C10orf143: variants seen among roughly 807,000 people sequenced by gnomAD.
C10orf143 encodes chromosome 10 open reading frame 143, also known as uncharacterized protein C10orf143.
intron 3 of C10orf143, among the ~76,000 whole-genome samples, chr10:130,037,948 G>T (rs1038477143): frequency 6.6e-6 from 1 of 152,192 alleles, no homozygotes; most frequent in Non-Finnish European, 1.5e-5. Flanking sequence ...ATTCCGGCAG[G>T]CGTCTCCCTC....
At chr10:130,088,051 G>A (rs1443377331) in intron 1 of C10orf143, among the ~76,000 whole-genome samples, 7 of 152,214 alleles carry the variant, frequency 4.6e-5, no homozygotes, top group Non-Finnish European at 1.0e-4. Context: ...ACACGTGAGC[G>A]AGCATATGAG....
At chr10:130,101,469 G>C (rs745766408) in intron 1 of C10orf143, among the ~76,000 whole-genome samples, 81 of 152,170 alleles carry the variant, frequency 5.3e-4, no homozygotes, top group Admixed American at 7.8e-4. Context: ...GGAAGCAACT[G>C]TGTCAAGACA....
intron 3 of C10orf143, among the ~76,000 whole-genome samples, chr10:130,076,433 C>T (rs1004406906): frequency 1.3e-5 from 2 of 152,062 alleles, no homozygotes; most frequent in Non-Finnish European, 2.9e-5. Context: ...CAAAGGAGGT[C>T]GGAGCTGAGA....
downstream of C10orf143, among the ~76,000 whole-genome samples, chr10:130,063,158 C>G (rs1189073201): frequency 2.6e-5 from 4 of 152,192 alleles, no homozygotes; most frequent in Admixed American, 6.5e-5. Context: ...TTCGTATGAA[C>G]AGCTGGAGGG....
At chr10:130,036,212 G>A (rs1169199937) in intron 3 of C10orf143, among the ~76,000 whole-genome samples, 2 of 152,180 alleles carry the variant, frequency 1.3e-5, no homozygotes, top group Non-Finnish European at 1.5e-5. Context: ...CTGAGGCTCA[G>A]GAAGATCCAC....
chr10:130,092,532 C>A lies in C10orf143; in HGVS notation c.70-12631G>T, dbSNP rs189499231. On this transcript the variant is annotated intron_variant, in intron 1 of 3. Transcript: ENST00000637128. The stretch of plus-strand genomic sequence containing the variant: ...ATTAACGGGCAAAATAACTAGCTAG[C>A]ATCATAATGACAGAATCAAATTCAC... 1.5e-3 allele frequency among the ~76,000 whole-genome samples: 225 copies of A among 152,244 alleles called. 1 individual carries two copies. Among genetic ancestry groups the A allele is most frequent in the Middle Eastern group, 6.8e-3 (2 of 294 alleles).
chr10:130,056,170 C>A lies in C10orf143; in HGVS notation c.298-20200G>T, dbSNP rs775354151. Among the ~76,000 whole-genome samples the A allele has an allele frequency of 6.6e-6, 1 of 152,074 alleles. No homozygotes were observed. The highest frequency in any genetic ancestry group is 1.5e-5 in the Non-Finnish European group (1 of 68,022). ...ATGTCAGAAAGGAAATCTTGTTTGTCCTGATTTAGGGCTGAAAACATCACC... is the reference window on the plus strand; with the variant it reads ...ATGTCAGAAAGGAAATCTTGTTTGTACTGATTTAGGGCTGAAAACATCACC... On this transcript the variant is annotated intron_variant and NMD_transcript_variant, in intron 3 of 5. Coordinates refer to the C10orf143 transcript ENST00000643056. This position sits in a 1 kb window ranked among gnomAD's most constrained non-coding sequence, Gnocchi z 4.6.
chr10:130,083,939 C>T (rs1861248634), intron 1 of C10orf143, among the ~76,000 whole-genome samples: 1 of 152,058 alleles, frequency 6.6e-6, no homozygotes, highest in Admixed American at 6.6e-5. Context: ...AAGTGGAATA[C>T]AAAAATAATG....
At chr10:130,046,085 A>T (rs1860667654) in intron 3 of C10orf143, among the ~76,000 whole-genome samples, 1 of 96,204 alleles carries the variant, frequency 1.0e-5, no homozygotes, top group Non-Finnish European at 2.1e-5. Flanking sequence ...GGAGTGGCTC[A>T]GGGCATGGGG....
At chr10:130,103,581 C>T (rs1171729) in intron 1 of C10orf143, among the ~76,000 whole-genome samples, 87,806 of 151,910 alleles carry the variant, frequency 0.58, 26,787 homozygotes, top group Admixed American at 0.7. Context: ...CCAAGGTAGG[C>T]GGATCACTTG....
intron 2 of C10orf143, 52 bp from the exon 3 acceptor site, chr10:130,079,680 T>G (rs1861174079): frequency 2.5e-6 from 1 of 398,924 alleles, no homozygotes; most frequent in African/African-American, 2.1e-5. Flanking sequence ...TTATTTACAC[T>G]TTCTATTAAA....
At chr10:130,106,421 A>G (rs1346698472) in intron 1 of C10orf143, 1 of 1,602,694 alleles carries the variant, frequency 6.2e-7, no homozygotes, top group Non-Finnish European at 8.5e-7. Context: ...AGAAGCACGA[A>G]GTTTGGAGGC....
chr10:130,054,254 T>G (rs1362924831), intron 3 of C10orf143, among the ~76,000 whole-genome samples: 1 of 152,216 alleles, frequency 6.6e-6, no homozygotes, highest in East Asian at 1.9e-4. Context: ...AGGTTCCACA[T>G]AGAAGTGAAT....
At chr10:130,104,526 TGA>T (rs1239859496) in intron 1 of C10orf143, 1 of 152,160 alleles carries the variant, frequency 6.6e-6, no homozygotes, top group Non-Finnish European at 1.5e-5. Flanking sequence ...GAGACGCCTG[TGA>T]GAGAGAAATA....
intron 1 of C10orf143, among the ~76,000 whole-genome samples, chr10:130,087,520 G>A (rs565349708): frequency 1.3e-5 from 2 of 152,306 alleles, no homozygotes; most frequent in South Asian, 4.2e-4. Flanking sequence ...CTGCCTCAAT[G>A]ATAGAAACAC....
intron 3 of C10orf143, among the ~76,000 whole-genome samples, chr10:130,055,060 A>G (rs576376380): frequency 2.3e-4 from 35 of 152,344 alleles, no homozygotes; most frequent in Non-Finnish European, 4.1e-4. Flanking sequence ...AATCAACTCA[A>G]AATGGATTAA....
At chr10:130,076,464 A>T (rs778315584) in intron 3 of C10orf143, among the ~76,000 whole-genome samples, 48 of 152,318 alleles carry the variant, frequency 3.2e-4, no homozygotes, top group Non-Finnish European at 6.6e-4. Context: ...CAACAGGCTG[A>T]CCAGTGACCC....
chr10:130,041,970 C>G lies in C10orf143; in HGVS notation c.298-6000G>C, dbSNP rs569624028. Among the ~76,000 whole-genome samples, 8 of 152,312 alleles carry G rather than the reference C, an allele frequency of 5.3e-5. No homozygotes were observed. In the East Asian group the frequency reaches 1.5e-3, roughly 29 times the overall value. ...CCACATATGTACATGCCCATGCACA[C>G]CCTAAGCACACATTCACATGCACAC... On this transcript the variant is annotated intron_variant and NMD_transcript_variant, in intron 3 of 5. Coordinates refer to the C10orf143 transcript ENST00000643056.
rs1860939264 is a variant in C10orf143 at position 130,066,583 on chromosome 10, T to C, written c.298-2200A>G. ...GTGATCTCAAGCCCCCGCACCATTC[T>C]ACTCTCTCTTAGACACAAAGGAACC... is the stretch of plus-strand genomic sequence containing the variant. On this transcript the variant is annotated intron_variant, in intron 3 of 3. Transcript: ENST00000637128. 3 of 152,286 alleles carry C rather than the reference T, an allele frequency of 2.0e-5. No homozygotes were observed. The South Asian group carries it at 6.2e-4, about 32-fold the overall frequency. 9.4% of individuals were successfully genotyped at this position (152,286 alleles called of 1,614,324 possible).
Sources: allele counts gnomAD v4.1 joint callset (sites outside exome capture counted in the v4.1 genomes callset), GRCh38; gene constraint gnomAD v4.1.1; non-coding constraint Gnocchi (gnomAD v3.1); transcripts MANE v1.5; gene names NCBI Gene and HGNC (gene_info 2026-07-23, HGNC 2026-07-21).